Variants in CRMP1 observed in about 807,000 individuals in gnomAD.
CRMP1 encodes collapsin response mediator protein 1, also known as dihydropyrimidinase-related protein 1.
Under a neutral mutation model 68.3 loss-of-function variants are expected in CRMP1, and 19 were observed. That is an observed-to-expected ratio of 0.28 (90% CI 0.19 to 0.41). The LOEUF (loss-of-function observed/expected upper bound fraction) is 0.41. CRMP1 is among the 10% of genes least tolerant of loss of function. CRMP1 has a pLI of 1.00. For synonymous variants in CRMP1, 439 were observed against 399.6 expected, an observed-to-expected ratio of 1.10 and a Z score of -1.18; for missense variants, 791 against 967.4, an observed-to-expected ratio of 0.82 and a Z score of 2.42.
At chr4:5,863,922 G>A (rs566519130) in intron 2 of CRMP1, among the ~76,000 whole-genome samples, 7 of 152,190 alleles carry the variant, frequency 4.6e-5, no homozygotes, top group Non-Finnish European at 8.8e-5. Flanking sequence ...TGAGGCCTCA[G>A]TCACCGTCAC....
chr4:5,888,679 C>T lies in CRMP1; in HGVS notation c.381+3910G>A, dbSNP rs1715788897. 2.1e-6 allele frequency: 2 copies of T among 946,436 alleles called. No homozygotes were observed. The highest frequency in any genetic ancestry group is 2.5e-6 in the Non-Finnish European group (2 of 795,224). The allele number at this position is 946,436 out of a possible 1,614,324, so 58.6% of individuals were successfully genotyped here. On this transcript the variant is annotated intron_variant, in intron 1 of 13. Transcript: ENST00000324989. The surrounding 1 kb of genome is among the most constrained non-coding windows in gnomAD (Gnocchi z 6.4). ...CCGACCCCCGCCCTGCGCACACGCCCTTGGCGGGCCCTGGCCTCGCTCTCG... is the reference window on the plus strand; with the variant it reads ...CCGACCCCCGCCCTGCGCACACGCCTTTGGCGGGCCCTGGCCTCGCTCTCG...
intron 12 of CRMP1, chr4:5,828,166 G>A: frequency 1.0e-6 from 1 of 985,410 alleles, no homozygotes; most frequent in South Asian, 4.7e-5. Context: ...CACCTCCCGT[G>A]GGTGGGCAGG....
chr4:5,836,282 G>C (rs902292474), intron 10 of CRMP1, among the ~76,000 whole-genome samples, 197 bp from the exon 11 acceptor site: 1 of 152,198 alleles, frequency 6.6e-6, no homozygotes, highest in Non-Finnish European at 1.5e-5. Flanking sequence ...TAACCGCACA[G>C]AGGTATGTTG....
At chr4:5,874,351 A>G (rs1055495227) in intron 1 of CRMP1, among the ~76,000 whole-genome samples, 4 of 152,254 alleles carry the variant, frequency 2.6e-5, no homozygotes, top group Admixed American at 2.6e-4. Flanking sequence ...CTTTGTTAGG[A>G]ATTCAAAATG....
chr4:5,839,063 C>G (rs560961766), intron 9 of CRMP1, among the ~76,000 whole-genome samples: 3 of 152,226 alleles, frequency 2.0e-5, no homozygotes, highest in Non-Finnish European at 4.4e-5. Context: ...CAGGCAGCAG[C>G]GGCCACTTCT....
At chr4:5,847,201 A>G (rs3885409) in intron 6 of CRMP1, among the ~76,000 whole-genome samples, 45,517 of 151,948 alleles carry the variant, frequency 0.3, 7,074 homozygotes, top group African/African-American at 0.38. Context: ...CATGTTGTAT[A>G]TCAGGAGGGT....
At position 5,892,844 on chromosome 4, in the gene CRMP1, G is replaced by C; in HGVS notation, c.126C>G (p.Ala42=). The change falls in exon 1 of 14, where the codon GCC becomes GCG. Residue 42 remains alanine (A), a synonymous_variant. Transcript: ENST00000324989. This position sits in a 1 kb window ranked among gnomAD's most constrained non-coding sequence, Gnocchi z 8.6. ...CGAAGTCGATGGTCTTGTTCTCGTA[G>C]GCGCCCTCCACCGCGGCGAACATGC... ...YGGMFAAVEG[A]YENKTIDFDA... 1 of 1,417,414 alleles carries C rather than the reference G, an allele frequency of 7.1e-7. No individual in the cohort carries two copies. The highest frequency in any genetic ancestry group is 9.3e-7 in the Non-Finnish European group (1 of 1,074,522). The allele number at this position is 1,417,414 out of a possible 1,614,324, so 87.8% of individuals were successfully genotyped here.
chr4:5,876,537 A>T (rs1478179093), intron 1 of CRMP1, among the ~76,000 whole-genome samples: 1 of 152,224 alleles, frequency 6.6e-6, no homozygotes, highest in Admixed American at 6.5e-5. Flanking sequence ...CAGGGAAATG[A>T]GCCTCAAAAA....
Position 5,833,755 on chromosome 4 carries a change from TAGTA to T in CRMP1, c.1623+2156_1623+2159del, listed in dbSNP as rs1441240873. Among the ~76,000 whole-genome samples the T allele has an allele frequency of 2.6e-5, 4 of 152,104 alleles. No individual in the cohort carries two copies. In the East Asian group the frequency reaches 5.9e-4, roughly 22 times the overall value. On this transcript the variant is annotated intron_variant, in intron 11 of 13. Coordinates refer to ENST00000324989, the MANE Select transcript of CRMP1 (RefSeq NM_001014809.3). Reference sequence around the variant, plus strand: ...TGTGGCCTCTGATCCCACACTGAAATAGTAAGAGGCTGGGTGCGGTGGCTCACAC... The same window carrying T: ...TGTGGCCTCTGATCCCACACTGAAATAGAGGCTGGGTGCGGTGGCTCACAC...
At chr4:5,862,903 T>A (rs1014220034) in intron 2 of CRMP1, among the ~76,000 whole-genome samples, 2 of 152,140 alleles carry the variant, frequency 1.3e-5, no homozygotes, top group Non-Finnish European at 2.9e-5. Flanking sequence ...CTTGCTGGGC[T>A]CAAGCGATCC....
At position 5,858,922 on chromosome 4, in the gene CRMP1, G is replaced by T. The variant is rs531012666; in HGVS notation, c.655+2104C>A. ...TGCACATGCTATTCCCTCCTCCTGGGGCTCTGCTTTTCTCTGCCCTCTTCT... is the reference window on the plus strand; with the variant it reads ...TGCACATGCTATTCCCTCCTCCTGGTGCTCTGCTTTTCTCTGCCCTCTTCT... On this transcript the variant is annotated intron_variant, in intron 3 of 13. Transcript: ENST00000324989. The surrounding 1 kb of genome is among the most constrained non-coding windows in gnomAD (Gnocchi z 5.5). Among the ~76,000 whole-genome samples, 3 of 152,156 alleles carry T rather than the reference G, an allele frequency of 2.0e-5. No individual in the cohort carries two copies. Among genetic ancestry groups the T allele is most frequent in the African/African-American group, 7.2e-5 (3 of 41,514 alleles).
Position 5,825,326 on chromosome 4 carries a change from C to G in CRMP1, c.1969+168G>C. On this transcript the variant is annotated intron_variant, in intron 13 of 13. Coordinates refer to ENST00000324989, the MANE Select transcript of CRMP1 (RefSeq NM_001014809.3). This position sits in a 1 kb window ranked among gnomAD's most constrained non-coding sequence, Gnocchi z 4.4. ...ACCCCCCTCTGCTTGGTGACCATGC[C>G]AGCCCACTCTGCCCCACCAGTGAGA... 1 of 985,238 alleles carries G rather than the reference C, an allele frequency of 1.0e-6. No individual in the cohort carries two copies. The highest frequency in any genetic ancestry group is 1.2e-6 in the Non-Finnish European group (1 of 829,908). 61.0% of individuals were successfully genotyped at this position (985,238 alleles called of 1,614,324 possible).
chr4:5,875,398 GAAAAA>G (rs10561614), intron 1 of CRMP1, among the ~76,000 whole-genome samples: 9 of 137,568 alleles, frequency 6.5e-5, no homozygotes, highest in African/African-American at 1.3e-4. Flanking sequence ...CTAGATTTTA[GAAAAA>G]AAAAAAAAAA....
At chr4:5,831,741 C>G (rs918309776) in intron 11 of CRMP1, among the ~76,000 whole-genome samples, 2 of 152,166 alleles carry the variant, frequency 1.3e-5, no homozygotes, top group Admixed American at 6.5e-5. Context: ...AAATGCCACA[C>G]CCTGCATTTC....
chr4:5,824,432 C>T, intron 13 of CRMP1: 4 of 985,358 alleles, frequency 4.1e-6, no homozygotes, highest in Non-Finnish European at 3.6e-6. Context: ...TCAGACACTT[C>T]CTGAATGGAT....
chr4:5,849,616 C>T (rs2276877), intron 5 of CRMP1, 144 bp from the exon 6 acceptor site: 247,911 of 598,282 alleles, frequency 0.41, 56,584 homozygotes, highest in East Asian at 0.61. Context: ...GGATGGAATA[C>T]GCTGCTACAC....
rs1718583596 is a variant in CRMP1 at position 5,821,681 on chromosome 4, G to C, written c.*79C>G. 1 of 1,364,762 alleles carries C rather than the reference G, an allele frequency of 7.3e-7. No homozygotes were observed. Among genetic ancestry groups the C allele is most frequent in the African/African-American group, 1.4e-5 (1 of 69,816 alleles). 84.5% of individuals were successfully genotyped at this position (1,364,762 alleles called of 1,614,324 possible). A position where few individuals can be genotyped will look rare whatever the true frequency, so the allele number is the denominator to read the frequency against. ...TCCATCAGCACCAACTAAAACTGTGGGTTTCAAAAACACTGACAGGAAAAG... is the reference window on the plus strand; with the variant it reads ...TCCATCAGCACCAACTAAAACTGTGCGTTTCAAAAACACTGACAGGAAAAG... On this transcript the variant is annotated 3_prime_UTR_variant, in exon 14 of 14. Coordinates refer to ENST00000324989, the MANE Select transcript of CRMP1 (RefSeq NM_001014809.3). The surrounding 1 kb of genome is among the most constrained non-coding windows in gnomAD (Gnocchi z 4.4).
Position 5,841,889 on chromosome 4 carries a change from T to C in CRMP1, c.1033-461A>G, listed in dbSNP as rs1041748633. On this transcript the variant is annotated intron_variant, in intron 7 of 13. Coordinates refer to ENST00000324989, the MANE Select transcript of CRMP1 (RefSeq NM_001014809.3). The surrounding 1 kb of genome is among the most constrained non-coding windows in gnomAD (Gnocchi z 6.9). Reference sequence around the variant, plus strand: ...GACCTGATGAGGACATCAGAAAATGTCCTCAACTTGGCCAGGCACGGTGGC... The same window carrying C: ...GACCTGATGAGGACATCAGAAAATGCCCTCAACTTGGCCAGGCACGGTGGC... 3.9e-5 allele frequency among the ~76,000 whole-genome samples: 6 copies of C among 152,178 alleles called. No individual in the cohort carries two copies. Among genetic ancestry groups the C allele is most frequent in the African/African-American group, 1.4e-4 (6 of 41,444 alleles).
chr4:5,832,776 T>TA (rs1720464784), intron 11 of CRMP1, among the ~76,000 whole-genome samples: 1 of 152,186 alleles, frequency 6.6e-6, no homozygotes, highest in African/African-American at 2.4e-5. Context: ...CCCAGATGGG[T>TA]AACCTTGGGT....
Sources: allele counts gnomAD v4.1 joint callset (sites outside exome capture counted in the v4.1 genomes callset), GRCh38; gene constraint gnomAD v4.1.1; non-coding constraint Gnocchi (gnomAD v3.1); transcripts MANE v1.5; gene names NCBI Gene and HGNC (gene_info 2026-07-23, HGNC 2026-07-21).